MGAM2: variants seen among roughly 807,000 people sequenced by gnomAD.
MGAM2 encodes maltase-glucoamylase 2 (putative), also known as probable maltase-glucoamylase 2.
In MGAM2, 98 loss-of-function variants were observed where a neutral mutation model predicts 96.1. That is an observed-to-expected ratio of 1.02 (90% CI 0.87 to 1.21). The LOEUF (loss-of-function observed/expected upper bound fraction) is 1.21, where lower values mean the gene tolerates loss of function less well. MGAM2 is among the 50% of genes most tolerant of loss of function. The pLI is 0.00. For missense variants in MGAM2, 2,055 were observed against 1,182.4 expected, an observed-to-expected ratio of 1.74 and a Z score of -10.82; for synonymous variants, 749 against 414.8, an observed-to-expected ratio of 1.81 and a Z score of -9.79.
intron 17 of MGAM2, among the ~76,000 whole-genome samples, chr7:142,156,839 A>T (rs970649439): frequency 1.1e-4 from 17 of 152,030 alleles, no homozygotes; most frequent in African/African-American, 3.9e-4. Context: ...ACAAGTCAAA[A>T]GATGACGTGT....
chr7:142,211,959 C>A (rs1340781232), intron 46 of MGAM2, among the ~76,000 whole-genome samples: 1 of 152,180 alleles, frequency 6.6e-6, no homozygotes, highest in East Asian at 1.9e-4. Flanking sequence ...GGGTTACCCA[C>A]AAAGGGAAGC....
At chr7:142,169,794 C>T (rs1470542905) in intron 26 of MGAM2, among the ~76,000 whole-genome samples, 1 of 152,182 alleles carries the variant, frequency 6.6e-6, no homozygotes, top group Non-Finnish European at 1.5e-5. Context: ...CATATACACA[C>T]ACATTCTATT....
In MGAM2 at chr7:142,189,448, T is replaced by G. The variant is rs960985964; in HGVS notation, c.4289T>G (p.Val1430Gly). The G allele has an allele frequency of 3.8e-5, 31 of 823,642 alleles. No individual in the cohort carries two copies. The highest frequency in any genetic ancestry group is 5.4e-5 in the Non-Finnish European group (26 of 482,820). The allele number at this position is 823,642 out of a possible 1,614,324, so 51.0% of individuals were successfully genotyped here. A position where few individuals can be genotyped will look rare whatever the true frequency, so the allele number is the denominator to read the frequency against. Residue 1430 changes from valine to glycine, a missense_variant, in exon 37 of 48, where the codon GTG becomes GGG. Val to Gly is a moderately radical substitution (Grantham distance 109). Transcript: ENST00000477922. The part of the protein sequence containing the change: ...SQQILPDSSP[V>G]EHYNVHNLYG... ...CAGATCCTGCCGGACAGCTCCCCCG[T>G]GGAGCACTACAACGTGCACAACCTG...
chr7:142,208,402 A>C (rs1797475957), intron 45 of MGAM2, 171 bp from the exon 46 acceptor site: 1 of 656,332 alleles, frequency 1.5e-6, no homozygotes, highest in South Asian at 1.6e-5. Flanking sequence ...TCCCCACACT[A>C]ACATGCAGTG....
Position 142,201,071 on chromosome 7 carries a change from C to CTTTTTTTTTTTTTTTTTTTTTTTTTTTT in MGAM2, c.5137+1113_5137+1114insTTTTTTTTTTTTTTTTTTTTTTTTTTTT, listed in dbSNP as rs72092512. Among the ~76,000 whole-genome samples, 13 of 84,364 alleles carry CTTTTTTTTTTTTTTTTTTTTTTTTTTTT rather than the reference C, an allele frequency of 1.5e-4. 3 individuals are homozygous for CTTTTTTTTTTTTTTTTTTTTTTTTTTTT. Among genetic ancestry groups the CTTTTTTTTTTTTTTTTTTTTTTTTTTTT allele is most frequent in the Admixed American group, 5.0e-4 (3 of 5,996 alleles). The allele number at this position is 84,364 out of a possible 152,430, so 55.3% of individuals were successfully genotyped here. Reference sequence around the variant, plus strand: ...CATTGTTATAAATAACATCCTTTTTCTTTTTTTTTTCTTTTTTTTTTTTTT... The same window carrying CTTTTTTTTTTTTTTTTTTTTTTTTTTTT: ...CATTGTTATAAATAACATCCTTTTTCTTTTTTTTTTTTTTTTTTTTTTTTTTTTTTTTTTTTTTCTTTTTTTTTTTTTT... On this transcript the variant is annotated intron_variant, in intron 45 of 47. Coordinates refer to ENST00000477922, the MANE Select transcript of MGAM2 (RefSeq NM_001293626.2).
At chr7:142,195,939 A>G (rs573992797) in intron 37 of MGAM2, among the ~76,000 whole-genome samples, 3 of 152,258 alleles carry the variant, frequency 2.0e-5, no homozygotes, top group African/African-American at 7.2e-5. Context: ...AGATTTTTCA[A>G]AAATGAAACC....
rs1186081804 is a variant in MGAM2, at chr7:142,148,893, A to G, written c.1634+1320A>G. On this transcript the variant is annotated intron_variant, in intron 15 of 47. Coordinates refer to ENST00000477922, the MANE Select transcript of MGAM2 (RefSeq NM_001293626.2). The surrounding 1 kb of genome is among the most constrained non-coding windows in gnomAD (Gnocchi z 4.2). ...CTCTTTCTCCTTGGTACTCAAGGCC[A>G]TAACCACTCCTTTAAACTTAGCTCC... is the stretch of plus-strand genomic sequence containing the variant. Among the ~76,000 whole-genome samples, 1 of 152,076 alleles carries G rather than the reference A, an allele frequency of 6.6e-6. No homozygotes were observed. Among genetic ancestry groups the G allele is most frequent in the Non-Finnish European group, 1.5e-5 (1 of 68,012 alleles).
At chr7:142,196,406 C>A in intron 38 of MGAM2, 119 bp downstream of exon 38, 2 of 649,360 alleles carry the variant, frequency 3.1e-6, no homozygotes, top group Non-Finnish European at 5.5e-6. Context: ...TTAACAAGAA[C>A]TGAGTTCTCT....
chr7:142,181,618 C>T (rs1319231686), intron 32 of MGAM2, among the ~76,000 whole-genome samples: 1 of 152,216 alleles, frequency 6.6e-6, no homozygotes, highest in Non-Finnish European at 1.5e-5. Context: ...GCGTCCCTGA[C>T]AGGCTGTGCT....
At position 142,121,603 on chromosome 7, in the gene MGAM2, A is replaced by T. The variant is rs140614502; in HGVS notation, c.186+1222A>T. On this transcript the variant is annotated intron_variant, in intron 3 of 47. Coordinates refer to ENST00000477922, the MANE Select transcript of MGAM2 (RefSeq NM_001293626.2). ...GTTTCTACTGTAAATATAATCCATT[A>T]TATTTTGTAAGTTGTGCTTCTTTTA... 4.7e-3 allele frequency among the ~76,000 whole-genome samples: 717 copies of T among 151,852 alleles called. 6 individuals are homozygous for T. The highest frequency in any genetic ancestry group is 0.016 in the African/African-American group (682 of 41,444).
At chr7:142,141,376 TA>T (rs1795224128) in intron 12 of MGAM2, among the ~76,000 whole-genome samples, 1 of 152,122 alleles carries the variant, frequency 6.6e-6, no homozygotes, top group African/African-American at 2.4e-5. Context: ...ATCAGTTACC[TA>T]AAGCCCTCCC....
chr7:142,161,341 C>T (rs190788671), intron 22 of MGAM2, 128 bp downstream of exon 22: 35 of 514,500 alleles, frequency 6.8e-5, no homozygotes, highest in African/African-American at 1.5e-4. Context: ...TGAGAATCAA[C>T]GGGTTAAAAT....
intron 43 of MGAM2, 115 bp downstream of exon 43, chr7:142,198,310 G>A: frequency 1.6e-6 from 1 of 628,260 alleles, no homozygotes; most frequent in Non-Finnish European, 2.9e-6. Flanking sequence ...GACCTTTTTA[G>A]CCTTGGCAAG....
intron 37 of MGAM2, among the ~76,000 whole-genome samples, chr7:142,193,408 C>T (rs1157516098): frequency 1.3e-5 from 2 of 152,058 alleles, no homozygotes; most frequent in African/African-American, 2.4e-5. Context: ...CTTTTCTGTC[C>T]AAGCACTGAA....
At chr7:142,134,363 A>C (rs1186474279) in intron 7 of MGAM2, among the ~76,000 whole-genome samples, 1 of 152,186 alleles carries the variant, frequency 6.6e-6, no homozygotes, top group Non-Finnish European at 1.5e-5. Context: ...GCAATTCGAA[A>C]TGCAGCATTT....
chr7:142,112,805 CAT>C (rs1817219131), intron 1 of MGAM2, among the ~76,000 whole-genome samples: 1 of 152,086 alleles, frequency 6.6e-6, no homozygotes, highest in African/African-American at 2.4e-5. Flanking sequence ...AGAATACAGT[CAT>C]ATGATATATA....
chr7:142,195,930 G>A (rs1797019831), intron 37 of MGAM2, among the ~76,000 whole-genome samples: 1 of 152,078 alleles, frequency 6.6e-6, no homozygotes, highest in Admixed American at 6.5e-5. Flanking sequence ...TAATTAACCA[G>A]ATTTTTCAAA....
chr7:142,155,637 T>C (rs1206884776), intron 17 of MGAM2, among the ~76,000 whole-genome samples: 2 of 152,174 alleles, frequency 1.3e-5, no homozygotes, highest in Admixed American at 6.5e-5. Flanking sequence ...CCACTTGTGA[T>C]CTAGAGAGAG....
At chr7:142,149,580 G>C (rs1056656355) in intron 15 of MGAM2, among the ~76,000 whole-genome samples, 5 of 151,152 alleles carry the variant, frequency 3.3e-5, no homozygotes, top group African/African-American at 4.9e-5. Context: ...TCGCTCTGTC[G>C]CCCAGGCTGG....
Sources: gnomAD v4.1 joint callset for allele counts (sites outside exome capture counted in the v4.1 genomes callset) on GRCh38, gnomAD v4.1.1 for gene constraint, Gnocchi (gnomAD v3.1) non-coding constraint, MANE v1.5 for transcripts, NCBI Gene and HGNC (gene_info 2026-07-23, HGNC 2026-07-21) for gene names.